Variants in NALF1 observed in about 807,000 individuals in gnomAD.
The protein encoded by NALF1 is family with sequence similarity 155 member A.
Under a neutral mutation model 48.4 loss-of-function variants are expected in NALF1, and 3 were observed. The ratio of observed to expected loss-of-function variants is 0.06; its 90% CI spans 0.03 to 0.16. The LOEUF is 0.16. Among genes scored for constraint, NALF1 ranks in the 10% least tolerant of loss-of-function variants. NALF1 has a pLI of 1.00. For missense variants in NALF1, 526 were observed against 571.5 expected, an observed-to-expected ratio of 0.92 and a Z score of 0.81; for synonymous variants, 262 against 245.7, an observed-to-expected ratio of 1.07 and a Z score of -0.62.
intron 1 of NALF1, among the ~76,000 whole-genome samples, chr13:107,807,734 A>G (rs748392023): frequency 1.2e-4 from 18 of 152,120 alleles, no homozygotes; most frequent in Non-Finnish European, 1.9e-4. Flanking sequence ...TTCAGGCTTC[A>G]TTTAGTTTAT....
Position 107,467,554 on chromosome 13 carries a change from A to C in NALF1, c.916-256799T>G, listed in dbSNP as rs527300683. Among the ~76,000 whole-genome samples the C allele has an allele frequency of 3.3e-5, 5 of 152,362 alleles. No homozygotes were observed. The East Asian group carries it at 9.6e-4, about 29-fold the overall frequency. On this transcript the variant is annotated intron_variant, in intron 1 of 2. Transcript: ENST00000375915. ...TGTTGCCATAAAGTCAAGCTACTGA[A>C]ATCCATAATAAAAATTTCATTACCT... is the stretch of plus-strand genomic sequence containing the variant.
At chr13:107,856,654 T>TA in intron 1 of NALF1, among the ~76,000 whole-genome samples, 1 of 151,918 alleles carries the variant, frequency 6.6e-6, no homozygotes, top group East Asian at 1.9e-4. Context: ...GGTGTTAGGC[T>TA]AAAAAAAATA....
chr13:107,537,191 G>C (rs949225112), intron 1 of NALF1, among the ~76,000 whole-genome samples: 1 of 151,804 alleles, frequency 6.6e-6, no homozygotes, highest in Non-Finnish European at 1.5e-5. Flanking sequence ...TAACAAACCT[G>C]CACATTGTGC....
intron 1 of NALF1, among the ~76,000 whole-genome samples, chr13:107,347,927 G>A (rs1421239486): frequency 2.0e-5 from 3 of 152,160 alleles, no homozygotes; most frequent in Non-Finnish European, 2.9e-5. Context: ...ACCCAGCAGC[G>A]ACTCTACGCC....
chr13:107,226,791 C>A (rs1384770629), intron 1 of NALF1, among the ~76,000 whole-genome samples: 1 of 152,146 alleles, frequency 6.6e-6, no homozygotes, highest in African/African-American at 2.4e-5. Context: ...TTAATTCTTA[C>A]ACAAACCTCT....
intron 1 of NALF1, among the ~76,000 whole-genome samples, chr13:107,332,483 G>C (rs1769451084): frequency 6.6e-6 from 1 of 152,218 alleles, no homozygotes; most frequent in African/African-American, 2.4e-5. Context: ...ACTGGAGGCG[G>C]CCCTGGGTCA....
chr13:107,200,204 C>T (rs554901505), intron 2 of NALF1, among the ~76,000 whole-genome samples: 2 of 152,308 alleles, frequency 1.3e-5, no homozygotes, highest in South Asian at 4.1e-4. Context: ...GCTCTAAACT[C>T]CCCCTTGGGG....
intron 1 of NALF1, among the ~76,000 whole-genome samples, chr13:107,568,272 T>C (rs1248124430): frequency 2.0e-5 from 3 of 152,328 alleles, no homozygotes; most frequent in East Asian, 1.9e-4. Flanking sequence ...TGGGCCACCA[T>C]ACGCAGCCTT....
At chr13:107,201,127 T>C (rs1490182203) in intron 2 of NALF1, among the ~76,000 whole-genome samples, 2 of 152,134 alleles carry the variant, frequency 1.3e-5, no homozygotes, top group African/African-American at 4.8e-5. Flanking sequence ...AGGTCTATGA[T>C]ATGTGCATGT....
chr13:107,295,151 C>A (rs1881701721), intron 1 of NALF1, among the ~76,000 whole-genome samples: 1 of 152,160 alleles, frequency 6.6e-6, no homozygotes, highest in Non-Finnish European at 1.5e-5. Context: ...CCCTTCCCCA[C>A]TCTTGTAGTT....
chr13:107,553,898 A>T (rs571600077), intron 1 of NALF1, among the ~76,000 whole-genome samples: 36 of 149,398 alleles, frequency 2.4e-4, no homozygotes, highest in African/African-American at 8.2e-4. Context: ...ACTTTAGTTA[A>T]GTAAGTGCCT....
At chr13:107,620,732 G>A (rs1380672172) in intron 1 of NALF1, among the ~76,000 whole-genome samples, 1 of 152,102 alleles carries the variant, frequency 6.6e-6, no homozygotes, top group Non-Finnish European at 1.5e-5. Flanking sequence ...AATATTAAGC[G>A]TGTTTCCACC....
intron 2 of NALF1, among the ~76,000 whole-genome samples, chr13:107,202,971 G>C (rs1252548017): frequency 6.6e-6 from 1 of 152,166 alleles, no homozygotes; most frequent in Non-Finnish European, 1.5e-5. Flanking sequence ...CAAACTAGAT[G>C]ACTTCAGTAA....
At chr13:107,613,319 A>C (rs532871289) in intron 1 of NALF1, among the ~76,000 whole-genome samples, 1 of 152,336 alleles carries the variant, frequency 6.6e-6, no homozygotes, top group African/African-American at 2.4e-5. Context: ...ACAAAAAAGA[A>C]ACCTGAAAAT....
At chr13:107,413,263 A>C (rs757851323) in intron 1 of NALF1, among the ~76,000 whole-genome samples, 1 of 152,220 alleles carries the variant, frequency 6.6e-6, no homozygotes, top group Admixed American at 6.5e-5. Context: ...TTATGAATAA[A>C]TAACCTGGAC....
At chr13:107,474,840 C>T (rs1453480194) in intron 1 of NALF1, among the ~76,000 whole-genome samples, 1 of 152,102 alleles carries the variant, frequency 6.6e-6, no homozygotes, top group African/African-American at 2.4e-5. Flanking sequence ...TTTGTATACT[C>T]ACAAGTATAA....
At chr13:107,242,026 A>C (rs1880481417) in intron 1 of NALF1, among the ~76,000 whole-genome samples, 2 of 152,138 alleles carry the variant, frequency 1.3e-5, no homozygotes, top group Admixed American at 1.3e-4. Flanking sequence ...TCCTATTGGC[A>C]CTGCTTCTGC....
intron 2 of NALF1, among the ~76,000 whole-genome samples, chr13:107,204,944 A>C (rs1879603960): frequency 6.6e-6 from 1 of 152,050 alleles, no homozygotes. Context: ...TGTTCAAATT[A>C]AAATCTATAG....
rs1402165891 is a variant in NALF1, at chr13:107,170,572, C to T, written c.1302G>A (p.Ser434=). ...LILLHTVLTA[S]AAQNTAGLSF... The stretch of plus-strand genomic sequence containing the variant: ...TCAGTCCGGCTGTGTTCTGTGCTGC[C>T]GAGGCTGTGAGCACTGTGTGTAAGA... The change falls in exon 3 of 3, where the codon TCG becomes TCA. Residue 434 remains serine, a synonymous_variant. Coordinates refer to ENST00000375915, the MANE Select transcript of NALF1 (RefSeq NM_001080396.3). 9.3e-6 allele frequency: 15 copies of T among 1,613,978 alleles called. No homozygotes were observed. In the Middle Eastern group the frequency reaches 1.6e-3, roughly 177 times the overall value.
Sources: gnomAD v4.1 joint callset for allele counts (sites outside exome capture counted in the v4.1 genomes callset) on GRCh38, gnomAD v4.1.1 for gene constraint, MANE v1.5 for transcripts, NCBI Gene and HGNC (gene_info 2026-07-23, HGNC 2026-07-21) for gene names.